Variants in SCN2A observed in about 807,000 individuals in gnomAD.
The protein encoded by SCN2A is sodium voltage-gated channel alpha subunit 2, also known as sodium channel protein type 2 subunit alpha.
A neutral mutation model predicts 188.7 loss-of-function variants in SCN2A; 20 were observed. The observed-to-expected ratio is 0.11, with a 90% CI of 0.07 to 0.15. The LOEUF (loss-of-function observed/expected upper bound fraction) is 0.15, where lower values mean the gene tolerates loss of function less well. SCN2A is among the 10% of genes least tolerant of loss of function. The probability of loss-of-function intolerance (pLI) is 1.00; values close to 1 mark genes in which losing one functional copy is unlikely to be tolerated. For synonymous variants in SCN2A, 804 were observed against 833.1 expected (o/e 0.97, Z 0.60); for missense variants, 1,278 against 2,445.0 (o/e 0.52, Z 10.07).
At chr2:165,324,918 A>G (rs1272198144) in intron 12 of SCN2A, among the ~76,000 whole-genome samples, 1 of 152,240 alleles carries the variant, frequency 6.6e-6, no homozygotes, top group African/African-American at 2.4e-5. Flanking sequence ...AATGTTTCTC[A>G]AAATATACTT....
chr2:165,276,493 G>A (rs1001840816), intron 1 of SCN2A, among the ~76,000 whole-genome samples: 4 of 152,126 alleles, frequency 2.6e-5, no homozygotes, highest in African/African-American at 9.7e-5. Flanking sequence ...TTCATTCTTG[G>A]TGCTAAAAAA....
intron 12 of SCN2A, 122 bp from the exon 13 acceptor site, chr2:165,326,730 T>G: frequency 2.7e-6 from 3 of 1,122,528 alleles, no homozygotes; most frequent in Non-Finnish European, 2.7e-6. Context: ...AATATCTTAG[T>G]GAGCTTTTTA....
At chr2:165,357,987 T>A (rs771437847) in intron 17 of SCN2A, among the ~76,000 whole-genome samples, 23 of 152,214 alleles carry the variant, frequency 1.5e-4, no homozygotes, top group Non-Finnish European at 2.9e-4. Context: ...ACAGCTGCTA[T>A]TATGCTGAGT....
rs191441944 is a variant in SCN2A at position 165,352,836 on chromosome 2, A to G, written c.2920-1356A>G. 2.1e-3 allele frequency among the ~76,000 whole-genome samples: 318 copies of G among 152,312 alleles called. 2 individuals carry two copies. The highest frequency in any genetic ancestry group is 3.3e-3 in the Non-Finnish European group (225 of 68,016). Reference sequence around the variant, plus strand: ...GCAAATATTTTAAAATCTAAAATCCAAAACACTTCTGGCCCCAAGCATTTC... The same window carrying G: ...GCAAATATTTTAAAATCTAAAATCCGAAACACTTCTGGCCCCAAGCATTTC... On this transcript the variant is annotated intron_variant, in intron 16 of 26. Transcript: ENST00000375437.
chr2:165,383,397 G>A (rs1214116708), intron 25 of SCN2A, among the ~76,000 whole-genome samples: 1 of 152,132 alleles, frequency 6.6e-6, no homozygotes, highest in African/African-American at 2.4e-5. Flanking sequence ...TATGTAGGAG[G>A]GCTGGTGAGA....
rs1475242235 is a variant in SCN2A at position 165,295,984 on chromosome 2, G to A, written c.161G>A (p.Ser54Asn). The A allele has an allele frequency of 6.2e-7, 1 of 1,614,152 alleles. No homozygotes were observed. The highest frequency in any genetic ancestry group is 8.5e-7 in the Non-Finnish European group (1 of 1,180,024). Residue 54 changes from serine (S) to asparagine (N), a missense_variant, in exon 2 of 27, where the codon AGT becomes AAT. By Grantham distance (46) the Ser-to-Asn change is conservative (BLOSUM62 1). Coordinates refer to ENST00000375437, the MANE Select transcript of SCN2A (RefSeq NM_001040142.2). ...EDDENGPKPNSDLEAGKSLPF... is the reference protein window; with the variant it reads ...EDDENGPKPNNDLEAGKSLPF... Reference sequence around the variant, plus strand: ...GATGAAAATGGCCCAAAGCCAAACAGTGACTTGGAAGCAGGAAAATCTCTT... The same window carrying A: ...GATGAAAATGGCCCAAAGCCAAACAATGACTTGGAAGCAGGAAAATCTCTT...
chr2:165,283,283 G>A (rs577046248), intron 1 of SCN2A, among the ~76,000 whole-genome samples: 12 of 152,304 alleles, frequency 7.9e-5, no homozygotes, highest in African/African-American at 2.4e-4. Flanking sequence ...CAGCCCAGGA[G>A]ACCTTAGCTA....
intron 13 of SCN2A, chr2:165,327,813 G>GT (rs1462871498): frequency 6.6e-6 from 1 of 152,134 alleles, no homozygotes; most frequent in Admixed American, 6.6e-5. Flanking sequence ...TAATTCACAT[G>GT]TTTTTGCCTT....
rs889871657 is a variant in SCN2A, at chr2:165,295,590, A to G, written c.-51-183A>G. ...TAGACACCTACTGAATGTGAGAGAT[A>G]GATCTCCATGTGAGCAAATGGATGC... On this transcript the variant is annotated intron_variant, in intron 1 of 26. Coordinates refer to ENST00000375437, the MANE Select transcript of SCN2A (RefSeq NM_001040142.2). 1.8e-4 allele frequency among the ~76,000 whole-genome samples: 28 copies of G among 152,368 alleles called. 2 individuals are homozygous for G. Among genetic ancestry groups the G allele is most frequent in the Admixed American group, 1.6e-3 (25 of 15,308 alleles).
chr2:165,319,952 CAA>C (rs1697984956), intron 11 of SCN2A, among the ~76,000 whole-genome samples: 1 of 152,170 alleles, frequency 6.6e-6, no homozygotes, highest in Admixed American at 6.5e-5. Context: ...AACAGTCCCC[CAA>C]AGTCTTAACT....
chr2:165,250,950 T>C (rs1275918935), intron 1 of SCN2A, among the ~76,000 whole-genome samples: 1 of 152,092 alleles, frequency 6.6e-6, no homozygotes, highest in East Asian at 1.9e-4. Context: ...AAAATCTGCT[T>C]ATTATTAAAG....
In SCN2A at chr2:165,389,658, T is replaced by C. The variant is rs1458271629; in HGVS notation, c.5852T>C (p.Ile1951Thr). ...DGTPIKEDTL[I>T]DKLNENSTPE... ...ACACCCATCAAAGAAGATACTCTCA[T>C]TGATAAACTGAATGAGAATTCAACT... The change falls in exon 27 of 27, where the codon ATT becomes ACT. Residue 1951 changes from isoleucine to threonine, a missense_variant. Physicochemically the swap from Ile to Thr is moderately conservative, Grantham distance 89. Transcript: ENST00000375437. This position sits in a 1 kb window ranked among gnomAD's most constrained non-coding sequence, Gnocchi z 4.2. 6 of 1,613,848 alleles carry C rather than the reference T, an allele frequency of 3.7e-6. No homozygotes were observed. Among genetic ancestry groups the C allele is most frequent in the Admixed American group, 1.7e-5 (1 of 59,954 alleles).
chr2:165,383,166 A>G (rs1485788060), intron 25 of SCN2A, among the ~76,000 whole-genome samples: 2 of 152,160 alleles, frequency 1.3e-5, no homozygotes, highest in Admixed American at 6.6e-5. Context: ...AACGGATAGT[A>G]ATCAAATAGT....
At position 165,310,279 on chromosome 2, in the gene SCN2A, G is replaced by A. The variant is rs112877649; in HGVS notation, c.698-44G>A. 1.4e-3 allele frequency: 2,322 copies of A among 1,606,424 alleles called. 27 individuals are homozygous for A. In the African/African-American group the frequency reaches 0.028, roughly 19 times the overall value. On this transcript the variant is annotated intron_variant, in intron 6 of 26. Transcript: ENST00000375437. ...TGATATTTTTGCCGGTAAAATAGCT[G>A]TTGAGTAGTATATTTAAATTCCCCC...
At chr2:165,263,215 T>C (rs1694684419) in intron 1 of SCN2A, among the ~76,000 whole-genome samples, 1 of 152,220 alleles carries the variant, frequency 6.6e-6, no homozygotes, top group Non-Finnish European at 1.5e-5. Context: ...TGCCAAGTAT[T>C]TATTTTGCTG....
intron 1 of SCN2A, among the ~76,000 whole-genome samples, chr2:165,278,351 G>A (rs1695434998): frequency 6.6e-6 from 1 of 152,184 alleles, no homozygotes; most frequent in Non-Finnish European, 1.5e-5. Flanking sequence ...GAGGCGTCAG[G>A]AAACTTACTA....
chr2:165,298,319 G>A (rs895077128), intron 3 of SCN2A, among the ~76,000 whole-genome samples: 8 of 152,268 alleles, frequency 5.3e-5, no homozygotes, highest in African/African-American at 1.9e-4. Flanking sequence ...GGGAATTCAG[G>A]AAATGGGATA....
intron 17 of SCN2A, 55 bp from the exon 18 acceptor site, chr2:165,365,088 A>C (rs1416890234): frequency 4.6e-6 from 7 of 1,507,554 alleles, no homozygotes; most frequent in Non-Finnish European, 6.4e-6. Flanking sequence ...ATTAATTTTT[A>C]TATTTAGATT....
chr2:165,308,414 A>T (rs1215508014), intron 4 of SCN2A, among the ~76,000 whole-genome samples: 3 of 152,120 alleles, frequency 2.0e-5, no homozygotes, highest in Non-Finnish European at 4.4e-5. Context: ...ATGTCTTCAT[A>T]TAGAGCCACA....
Sources: gnomAD v4.1 joint callset for allele counts (sites outside exome capture counted in the v4.1 genomes callset) on GRCh38, gnomAD v4.1.1 for gene constraint, Gnocchi (gnomAD v3.1) non-coding constraint, MANE v1.5 for transcripts, NCBI Gene and HGNC (gene_info 2026-07-23, HGNC 2026-07-21) for gene names.